MYO18B: variants seen among roughly 807,000 people sequenced by gnomAD.
The protein encoded by MYO18B is myosin XVIIIB.
Under a neutral mutation model 273.0 loss-of-function variants are expected in MYO18B, and 204 were observed. The observed-to-expected ratio is 0.75, with a 90% CI of 0.67 to 0.84. The LOEUF (loss-of-function observed/expected upper bound fraction) is 0.84. MYO18B is among the 40% of genes least tolerant of loss of function. The pLI, the probability that MYO18B is intolerant of heterozygous loss-of-function variation, is 0.00. For missense variants in MYO18B, 3,212 were observed against 3,287.6 expected, an observed-to-expected ratio of 0.98 and a Z score of 0.56; for synonymous variants, 1,330 against 1,305.7, an observed-to-expected ratio of 1.02 and a Z score of -0.40.
intron 7 of MYO18B, among the ~76,000 whole-genome samples, chr22:25,774,272 T>G (rs1568999339): frequency 6.6e-6 from 1 of 152,210 alleles, no homozygotes; most frequent in Non-Finnish European, 1.5e-5. Flanking sequence ...GTCAAGGGCC[T>G]GGGAGGACCT....
In MYO18B at chr22:25,891,258, T is replaced by C. The variant is rs185656334; in HGVS notation, c.4435-46T>C. On this transcript the variant is annotated intron_variant, in intron 26 of 43. Transcript: ENST00000335473. ...CTTCATGGGTAAGATGACCAGCCCATGTCTTCTGTCCAGCTCTAGTTTAGA... is the reference window on the plus strand; with the variant it reads ...CTTCATGGGTAAGATGACCAGCCCACGTCTTCTGTCCAGCTCTAGTTTAGA... 7 of 1,372,074 alleles carry C rather than the reference T, an allele frequency of 5.1e-6. No individual in the cohort carries two copies. The African/African-American group carries it at 7.2e-5, about 14-fold the overall frequency. The allele number at this position is 1,372,074 out of a possible 1,614,324, so 85.0% of individuals were successfully genotyped here. A position where few individuals can be genotyped will look rare whatever the true frequency, so the allele number is the denominator to read the frequency against.
At chr22:25,878,684 G>A (rs2091263953) in intron 25 of MYO18B, among the ~76,000 whole-genome samples, 1 of 152,200 alleles carries the variant, frequency 6.6e-6, no homozygotes, top group Non-Finnish European at 1.5e-5. Context: ...ACCTTAATAG[G>A]TACTGTTTCA....
chr22:25,780,339 C>G, intron 9 of MYO18B, 141 bp downstream of exon 9: 3 of 1,079,968 alleles, frequency 2.8e-6, no homozygotes, highest in Non-Finnish European at 3.9e-6. Flanking sequence ...GCCTGTAATC[C>G]CAGCACTTTG....
intron 38 of MYO18B, among the ~76,000 whole-genome samples, chr22:25,952,708 T>A (rs1956541012): frequency 6.6e-6 from 1 of 152,178 alleles, no homozygotes. Flanking sequence ...CTTTCACCTT[T>A]ACTTTTTCCT....
chr22:25,871,875 C>A (rs1190262302), intron 22 of MYO18B, among the ~76,000 whole-genome samples: 1 of 152,150 alleles, frequency 6.6e-6, no homozygotes, highest in Non-Finnish European at 1.5e-5. Context: ...ATGGTTGTTT[C>A]CAATTATCTT....
intron 39 of MYO18B, among the ~76,000 whole-genome samples, chr22:25,984,423 G>A (rs9613060): frequency 0.46 from 69,349 of 151,990 alleles, 16,987 homozygotes; most frequent in Non-Finnish European, 0.57. Flanking sequence ...ATAAACCTGC[G>A]AACCAACTAA....
intron 3 of MYO18B, among the ~76,000 whole-genome samples, chr22:25,764,980 T>C (rs909201203): frequency 2.0e-5 from 3 of 152,046 alleles, no homozygotes; most frequent in Non-Finnish European, 4.4e-5. Context: ...ACAAGATGCC[T>C]GGAAAAGGAC....
chr22:25,791,103 A>C (rs2087640313), intron 11 of MYO18B, among the ~76,000 whole-genome samples: 2 of 152,200 alleles, frequency 1.3e-5, no homozygotes, highest in Non-Finnish European at 2.9e-5. Context: ...CAAGTGACTC[A>C]CTTTTGGGAG....
chr22:26,063,753 C>T, the MYO18B span, among the ~76,000 whole-genome samples: 1 of 152,162 alleles, frequency 6.6e-6, no homozygotes, highest in Non-Finnish European at 1.5e-5. Flanking sequence ...CCAGTTGTCA[C>T]CTGGGGAAAC....
chr22:25,800,817 A>G (rs1347652652), intron 12 of MYO18B, among the ~76,000 whole-genome samples: 1 of 152,260 alleles, frequency 6.6e-6, no homozygotes. Context: ...TGTGGGCTCA[A>G]GGACCTGACC....
intron 20 of MYO18B, among the ~76,000 whole-genome samples, chr22:25,851,261 C>G (rs1310425063): frequency 1.3e-5 from 2 of 152,134 alleles, no homozygotes; most frequent in Non-Finnish European, 2.9e-5. Flanking sequence ...TTCGTGTTCT[C>G]AGGAACACCT....
intron 33 of MYO18B, among the ~76,000 whole-genome samples, chr22:25,916,254 G>C (rs2092259739): frequency 6.6e-6 from 1 of 152,170 alleles, no homozygotes; most frequent in African/African-American, 2.4e-5. Flanking sequence ...TCTTGTTAGA[G>C]TTTTGTCTGT....
intron 41 of MYO18B, 119 bp downstream of exon 41, chr22:26,003,428 A>T: frequency 1.2e-6 from 1 of 846,600 alleles, no homozygotes; most frequent in Non-Finnish European, 2.0e-6. Flanking sequence ...TGCCCATGAG[A>T]CTAATGCCTT....
At chr22:25,945,088 CG>C (rs1382274699) in intron 34 of MYO18B, among the ~76,000 whole-genome samples, 1 of 152,108 alleles carries the variant, frequency 6.6e-6, no homozygotes, top group Non-Finnish European at 1.5e-5. Flanking sequence ...TTATTTAAGT[CG>C]GTGTCTCTTA....
At chr22:25,904,946 A>T (rs1433882160) in intron 31 of MYO18B, among the ~76,000 whole-genome samples, 3 of 66,520 alleles carry the variant, frequency 4.5e-5, no homozygotes, top group African/African-American at 1.2e-4. Flanking sequence ...CCTGAGATAA[A>T]AAAAAAAAAA....
chr22:25,780,082 G>A lies in MYO18B; in HGVS notation c.2095G>A (p.Val699Ile), dbSNP rs764212789. The change falls in exon 9 of 44, where the codon GTC (valine) becomes ATC (isoleucine). Residue 699 changes from valine (V) to isoleucine (I), a missense_variant. Val to Ile is a conservative substitution (Grantham distance 29). Coordinates refer to ENST00000335473, the MANE Select transcript of MYO18B (RefSeq NM_032608.7). ...SVEKIRATFT[V>I]LRAFGSVSMA... ...GGAGAAGATCCGAGCCACCTTCACT[G>A]TCCTCCGGGCCTTCGGCTCTGTGTC... 13 of 1,596,686 alleles carry A rather than the reference G, an allele frequency of 8.1e-6. No homozygotes were observed. The highest frequency in any genetic ancestry group is 4.5e-5 in the East Asian group (2 of 44,114).
Position 26,031,030 on chromosome 22 carries a change from G to A in MYO18B, c.*600G>A, listed in dbSNP as rs1029023176. 20 of 398,106 alleles carry A rather than the reference G, an allele frequency of 5.0e-5. No individual in the cohort carries two copies. The highest frequency in any genetic ancestry group is 7.5e-5 in the Non-Finnish European group (17 of 225,974). 24.7% of individuals were successfully genotyped at this position (398,106 alleles called of 1,614,324 possible). A position where few individuals can be genotyped will look rare whatever the true frequency, so the allele number is the denominator to read the frequency against. On this transcript the variant is annotated 3_prime_UTR_variant, in exon 44 of 44. Transcript: ENST00000335473. Reference sequence around the variant, plus strand: ...AATGAGCCAAAGAACAAATAAATGAGCCCACACACCCTGAACGCATGCGAC... The same window carrying A: ...AATGAGCCAAAGAACAAATAAATGAACCCACACACCCTGAACGCATGCGAC...
chr22:25,848,106 T>C (rs1473911841), intron 20 of MYO18B, among the ~76,000 whole-genome samples: 6 of 152,188 alleles, frequency 3.9e-5, no homozygotes, highest in African/African-American at 7.2e-5. Flanking sequence ...AAACTAGGGC[T>C]GTGTCTTCCT....
At chr22:25,985,750 C>T (rs897865452) in intron 39 of MYO18B, among the ~76,000 whole-genome samples, 1 of 152,128 alleles carries the variant, frequency 6.6e-6, no homozygotes, top group South Asian at 2.1e-4. Context: ...CTGCCTCAGT[C>T]TCCTGAGTAG....
Sources: allele counts gnomAD v4.1 joint callset (sites outside exome capture counted in the v4.1 genomes callset), GRCh38; gene constraint gnomAD v4.1.1; transcripts MANE v1.5; gene names NCBI Gene and HGNC (gene_info 2026-07-23, HGNC 2026-07-21).